The following VAC14 variants were observed in gnomAD, a reference collection of about 807,000 sequenced individuals.
VAC14 encodes the protein VAC14 component of PIKFYVE complex, also known as protein VAC14 homolog.
In VAC14, 47 loss-of-function variants were observed where a neutral mutation model predicts 85.3. That is an observed-to-expected ratio of 0.55 (90% CI 0.44 to 0.70). VAC14 has a LOEUF of 0.70. Among genes scored for constraint, VAC14 ranks in the 30% least tolerant of loss-of-function variants. VAC14 has a pLI of 0.00. For missense variants in VAC14, 861 were observed against 1,004.3 expected (o/e 0.86, Z 1.93); for synonymous variants, 447 against 430.5 (o/e 1.04, Z -0.47).
rs551947462 is a variant in VAC14, at chr16:70,800,699, T to C, written c.104+98A>G. 2.4e-5 allele frequency: 27 copies of C among 1,106,134 alleles called. No individual in the cohort carries two copies. In the East Asian group the frequency reaches 7.0e-4, roughly 29 times the overall value. The allele number at this position is 1,106,134 out of a possible 1,614,324, so 68.5% of individuals were successfully genotyped here. A position where few individuals can be genotyped will look rare whatever the true frequency, so the allele number is the denominator to read the frequency against. ...TGCGCTAAGGTAAGGGCCTAAAACC[T>C]GGGAAAGTAACCCTGGCTGGGAAGG... On this transcript the variant is annotated intron_variant, in intron 1 of 18. Coordinates refer to ENST00000261776, the MANE Select transcript of VAC14 (RefSeq NM_018052.5).
chr16:70,778,343 T>C (rs2033630220), intron 9 of VAC14: 2 of 152,190 alleles, frequency 1.3e-5, no homozygotes, highest in African/African-American at 4.8e-5. Flanking sequence ...GGTTCCTTTC[T>C]AGCGGGCTTG....
rs149081906 is a variant in VAC14, at chr16:70,719,764, A to T, written c.1661+11731T>A. ...GTGGAGCAACTGGAACTCTCCCACAATGCTGACGGGAGTGGAAGCTGGCAC... is the reference window on the plus strand; with the variant it reads ...GTGGAGCAACTGGAACTCTCCCACATTGCTGACGGGAGTGGAAGCTGGCAC... On this transcript the variant is annotated intron_variant, in intron 14 of 18. Transcript: ENST00000261776. Among the ~76,000 whole-genome samples, 50 of 152,240 alleles carry T rather than the reference A, an allele frequency of 3.3e-4. 1 individual carries two copies. The highest frequency in any genetic ancestry group is 1.1e-3 in the African/African-American group (44 of 41,534).
intron 14 of VAC14, among the ~76,000 whole-genome samples, chr16:70,723,676 A>C (rs1328078713): frequency 6.6e-6 from 1 of 152,210 alleles, no homozygotes; most frequent in Non-Finnish European, 1.5e-5. Context: ...TCAGCCCCTG[A>C]AAACTGTTCC....
chr16:70,772,742 G>A (rs955072047), intron 9 of VAC14: 1 of 152,248 alleles, frequency 6.6e-6, no homozygotes, highest in Non-Finnish European at 1.5e-5. Flanking sequence ...AAAGAGAAAT[G>A]AAAACTTATG....
At position 70,692,642 on chromosome 16, in the gene VAC14, G is replaced by T. The variant is rs572644141; in HGVS notation, c.2186+179C>A. On this transcript the variant is annotated intron_variant, in intron 18 of 18. Coordinates refer to ENST00000261776, the MANE Select transcript of VAC14 (RefSeq NM_018052.5). ...ATCCCTTGCTCGGTGCTCTGATGTG[G>T]ACACAAGAGGCCAAGGGGCAAGTGG... Among the ~76,000 whole-genome samples, 373 of 152,218 alleles carry T rather than the reference G, an allele frequency of 2.5e-3. 5 individuals are homozygous for T. The highest frequency in any genetic ancestry group is 1.9e-3 in the Non-Finnish European group (131 of 68,012).
At chr16:70,706,308 G>A (rs1013751972) in intron 14 of VAC14, among the ~76,000 whole-genome samples, 1 of 152,196 alleles carries the variant, frequency 6.6e-6, no homozygotes, top group African/African-American at 2.4e-5. Flanking sequence ...AGGACAGTGT[G>A]GGCTGGGTGG....
intron 14 of VAC14, among the ~76,000 whole-genome samples, chr16:70,711,762 G>C (rs765981249): frequency 6.6e-6 from 1 of 152,180 alleles, no homozygotes; most frequent in African/African-American, 2.4e-5. Flanking sequence ...TTTAGTCCAG[G>C]GGTTTTGTGA....
At chr16:70,703,148 C>T (rs1195377048) in intron 14 of VAC14, among the ~76,000 whole-genome samples, 4 of 152,262 alleles carry the variant, frequency 2.6e-5, no homozygotes, top group African/African-American at 4.8e-5. Context: ...TGCATCATCA[C>T]TTCTTTGCTG....
chr16:70,689,184 A>G, intron 18 of VAC14: 1 of 977,054 alleles, frequency 1.0e-6, no homozygotes, highest in Non-Finnish European at 1.2e-6. Context: ...CCTCATCTGC[A>G]AAGCGAGGGC....
At chr16:70,697,017 C>G in intron 16 of VAC14, 122 bp downstream of exon 16, 1 of 748,496 alleles carries the variant, frequency 1.3e-6, no homozygotes, top group Non-Finnish European at 2.3e-6. Flanking sequence ...AGCCCTGAGG[C>G]TGAGTGGAGG....
At position 70,691,233 on chromosome 16, in the gene VAC14, C is replaced by T. The variant is rs146600890; in HGVS notation, c.2186+1588G>A. The T allele has an allele frequency of 2.6e-3, 2,606 of 985,462 alleles. 4 individuals carry two copies. The Middle Eastern group carries it at 0.027, about 10-fold the overall frequency. 61.0% of individuals were successfully genotyped at this position (985,462 alleles called of 1,614,324 possible). A position where few individuals can be genotyped will look rare whatever the true frequency, so the allele number is the denominator to read the frequency against. On this transcript the variant is annotated intron_variant, in intron 18 of 18. Transcript: ENST00000261776. Reference sequence around the variant, plus strand: ...CTCCCAAGACGAGGAGATCAGCACTCGGAGACCCGGGAGAGGCTGGGCTGG... The same window carrying T: ...CTCCCAAGACGAGGAGATCAGCACTTGGAGACCCGGGAGAGGCTGGGCTGG...
At chr16:70,746,531 C>A (rs2030904622) in intron 12 of VAC14, among the ~76,000 whole-genome samples, 2 of 152,224 alleles carry the variant, frequency 1.3e-5, no homozygotes, top group South Asian at 4.1e-4. Flanking sequence ...ATGGCTGCCA[C>A]ACAGCCCAGT....
At chr16:70,689,328 G>A (rs1416245574) in intron 18 of VAC14, 5 of 985,362 alleles carry the variant, frequency 5.1e-6, no homozygotes, top group Admixed American at 6.1e-5. Flanking sequence ...TCCAACGTGA[G>A]GCCAGCCGGG....
At chr16:70,711,585 G>A (rs1376527721) in intron 14 of VAC14, among the ~76,000 whole-genome samples, 1 of 152,114 alleles carries the variant, frequency 6.6e-6, no homozygotes, top group African/African-American at 2.4e-5. Context: ...ACCTGTGCTT[G>A]GACTCTCCCT....
At chr16:70,784,038 G>C (rs1235256314) in intron 5 of VAC14, 75 bp downstream of exon 5, 4 of 1,215,904 alleles carry the variant, frequency 3.3e-6, no homozygotes, top group Non-Finnish European at 3.6e-6. Flanking sequence ...ATAGCCAAAG[G>C]GCCTGACAAG....
At chr16:70,761,837 C>T (rs570362849) in intron 12 of VAC14, among the ~76,000 whole-genome samples, 10 of 152,362 alleles carry the variant, frequency 6.6e-5, no homozygotes, top group African/African-American at 2.2e-4. Flanking sequence ...ACACAACCAA[C>T]GCTAACTGAG....
Position 70,795,203 on chromosome 16 carries a change from A to C in VAC14, c.104+5594T>G, listed in dbSNP as rs141155381. On this transcript the variant is annotated intron_variant, in intron 1 of 18. Transcript: ENST00000261776. ...TCCCCTGAGCCGGGCGCAGTGGCTC[A>C]TGCCTGTAATCCCAGCACTTTGGGA... Among the ~76,000 whole-genome samples, 821 of 152,294 alleles carry C rather than the reference A, an allele frequency of 5.4e-3. 3 individuals carry two copies. The highest frequency in any genetic ancestry group is 9.8e-3 in the Non-Finnish European group (667 of 68,010).
chr16:70,704,771 G>A (rs895203860), intron 14 of VAC14, among the ~76,000 whole-genome samples: 1 of 152,226 alleles, frequency 6.6e-6, no homozygotes, highest in African/African-American at 2.4e-5. Context: ...TCCTTCGCCA[G>A]GTGTCTGTAG....
In VAC14 at chr16:70,800,808, C is replaced by T. The variant is rs1358955780; in HGVS notation, c.93G>A (p.Leu31=). 3 of 1,609,852 alleles carry T rather than the reference C, an allele frequency of 1.9e-6. No homozygotes were observed. Among genetic ancestry groups the T allele is most frequent in the Non-Finnish European group, 2.5e-6 (3 of 1,178,198 alleles). ...CTGGCGGCTCTTACTTCTCGATCTC[C>T]AGCGCTGCCACCTTCCGCTTTTCGT... ...KLYEKRKVAA[L]EIEKLVREFV... Residue 31 remains leucine (L), a synonymous_variant, in exon 1 of 19, where the codon CTG becomes CTA. Transcript: ENST00000261776.
Sources: allele counts gnomAD v4.1 joint callset (sites outside exome capture counted in the v4.1 genomes callset), GRCh38; gene constraint gnomAD v4.1.1; transcripts MANE v1.5; gene names NCBI Gene and HGNC (gene_info 2026-07-23, HGNC 2026-07-21).